SPTBN4: variants seen among roughly 807,000 people sequenced by gnomAD.
SPTBN4 encodes the protein spectrin beta, non-erythrocytic 4.
In SPTBN4, 96 loss-of-function variants were observed where a neutral mutation model predicts 277.8. That is an observed-to-expected ratio of 0.35 (90% CI 0.29 to 0.41). The LOEUF (loss-of-function observed/expected upper bound fraction) is 0.41, where lower values mean the gene tolerates loss of function less well. Ranked by LOEUF, SPTBN4 falls within the 10% of genes least tolerant of loss-of-function variation. SPTBN4 has a pLI of 1.00. For missense variants in SPTBN4, 3,006 were observed against 3,595.7 expected (o/e 0.84, Z 4.19); for synonymous variants, 1,481 against 1,580.3 (o/e 0.94, Z 1.49).
chr19:40,547,961 G>T (rs2080876669), intron 20 of SPTBN4, among the ~76,000 whole-genome samples: 1 of 152,120 alleles, frequency 6.6e-6, no homozygotes, highest in African/African-American at 2.4e-5. Flanking sequence ...ACTCTGTTTA[G>T]GTCTTTAATC....
chr19:40,472,271 C>T (rs2079893610), intron 1 of SPTBN4, among the ~76,000 whole-genome samples: 1 of 151,848 alleles, frequency 6.6e-6, no homozygotes, highest in Admixed American at 6.6e-5. Flanking sequence ...TCTCGAACTC[C>T]TGGGCTCAAG....
At chr19:40,569,229 C>T (rs1471526384) in intron 31 of SPTBN4, among the ~76,000 whole-genome samples, 1 of 152,032 alleles carries the variant, frequency 6.6e-6, no homozygotes, top group Non-Finnish European at 1.5e-5. Flanking sequence ...AGTTCGAGAC[C>T]AACCTGGCCA....
intron 18 of SPTBN4, among the ~76,000 whole-genome samples, chr19:40,529,980 CG>C (rs1250257632): frequency 1.6e-4 from 25 of 152,268 alleles, no homozygotes; most frequent in Non-Finnish European, 1.5e-5. Flanking sequence ...TCTCCGCACA[CG>C]GAATAAACAA....
chr19:40,568,065 C>G lies in SPTBN4; in HGVS notation c.6739C>G (p.Arg2247Gly). The G allele has an allele frequency of 7.7e-6, 12 of 1,559,076 alleles. No homozygotes were observed. The highest frequency in any genetic ancestry group is 1.0e-5 in the Non-Finnish European group (12 of 1,152,278). ...TCGCGCGGAGGAGCTGCCCAGGAGGCGGCGGCCTGAGCGGCAAGAGTCAGT... is the reference window on the plus strand; with the variant it reads ...TCGCGCGGAGGAGCTGCCCAGGAGGGGGCGGCCTGAGCGGCAAGAGTCAGT... ...ADRAEELPRR[R>G]RPERQESVDQ... The change falls in exon 31 of 36, where the codon CGG (arginine) becomes GGG (glycine). Residue 2247 changes from arginine (R) to glycine (G), a missense_variant. Coordinates refer to ENST00000598249, the MANE Select transcript of SPTBN4 (RefSeq NM_020971.3).
rs1246112643 is a variant in SPTBN4, at chr19:40,562,815, CAA to C, written c.5915+2413_5915+2414del. ...TGCCATTGCACTCCAGCCTGGGCAACAAGAGCGAAATTCCATCTCAAAAAAAA... is the reference window on the plus strand; with the variant it reads ...TGCCATTGCACTCCAGCCTGGGCAACGAGCGAAATTCCATCTCAAAAAAAA... On this transcript the variant is annotated intron_variant, in intron 27 of 35. Coordinates refer to ENST00000598249, the MANE Select transcript of SPTBN4 (RefSeq NM_020971.3). Among the ~76,000 whole-genome samples the C allele has an allele frequency of 2.7e-5, 4 of 150,248 alleles. No individual in the cohort carries two copies. The East Asian group carries it at 5.9e-4, about 22-fold the overall frequency.
chr19:40,568,182 T>C lies in SPTBN4; in HGVS notation c.6856T>C (p.Tyr2286His). ...GGCACACAGCCTTACCCTGGGCCGC[T>C]ATGAGCAGATGGAGCGGCGGCGCGA... Reference protein sequence around the residue: ...EAAHSLTLGRYEQMERRRERR... With the variant: ...EAAHSLTLGRHEQMERRRERR... The change falls in exon 31 of 36, where the codon TAT becomes CAT. Residue 2286 changes from tyrosine to histidine, a missense_variant. Around this residue, in one of 5 missense-constraint regions of SPTBN4, gnomAD observed 630 missense variants for 677.6 expected, o/e 0.93. Coordinates refer to ENST00000598249, the MANE Select transcript of SPTBN4 (RefSeq NM_020971.3). 1 of 1,592,152 alleles carries C rather than the reference T, an allele frequency of 6.3e-7. No homozygotes were observed. The highest frequency in any genetic ancestry group is 8.5e-7 in the Non-Finnish European group (1 of 1,169,814).
At chr19:40,467,967 G>T (rs943152678) in intron 1 of SPTBN4, among the ~76,000 whole-genome samples, 1 of 152,052 alleles carries the variant, frequency 6.6e-6, no homozygotes, top group African/African-American at 2.4e-5. Flanking sequence ...AAAAGATGAA[G>T]AATAATAGCA....
intron 20 of SPTBN4, among the ~76,000 whole-genome samples, chr19:40,542,412 G>A (rs930875922): frequency 3.9e-5 from 6 of 152,124 alleles, no homozygotes; most frequent in African/African-American, 1.4e-4. Context: ...GTGCTTCCTG[G>A]CCAAGAAGCC....
chr19:40,513,916 G>T (rs1453434121), intron 14 of SPTBN4, among the ~76,000 whole-genome samples: 1 of 152,068 alleles, frequency 6.6e-6, no homozygotes, highest in African/African-American at 2.4e-5. Flanking sequence ...GCTTCTACAG[G>T]GACACCTCAG....
chr19:40,489,354 C>A (rs2080110723), intron 3 of SPTBN4, among the ~76,000 whole-genome samples: 1 of 151,130 alleles, frequency 6.6e-6, no homozygotes. Flanking sequence ...GCTAGGGACC[C>A]GAAAGGGAAG....
chr19:40,505,968 T>C (rs1007863529), intron 12 of SPTBN4, among the ~76,000 whole-genome samples: 1 of 151,752 alleles, frequency 6.6e-6, no homozygotes, highest in South Asian at 2.1e-4. Flanking sequence ...GAGAGACTGG[T>C]AGAGAGAGAG....
chr19:40,526,433 A>C (rs1350411922), intron 17 of SPTBN4, among the ~76,000 whole-genome samples: 1 of 151,938 alleles, frequency 6.6e-6, no homozygotes, highest in Non-Finnish European at 1.5e-5. Flanking sequence ...CGGCTCCCCA[A>C]AGTGCTGGGA....
chr19:40,563,465 AATC>A (rs2081062952), intron 27 of SPTBN4, among the ~76,000 whole-genome samples: 1 of 152,140 alleles, frequency 6.6e-6, no homozygotes, highest in Non-Finnish European at 1.5e-5. Context: ...TATACTTTAA[AATC>A]TTCTTGTGGC....
intron 27 of SPTBN4, 152 bp from the exon 28 acceptor site, chr19:40,565,271 A>G (rs1213691331): frequency 2.0e-5 from 20 of 980,246 alleles, no homozygotes; most frequent in Non-Finnish European, 2.5e-5. Flanking sequence ...TCTCAAAAAA[A>G]AAAAGAAAAG....
At chr19:40,503,220 G>A (rs1178314567) in intron 11 of SPTBN4, among the ~76,000 whole-genome samples, 1 of 151,904 alleles carries the variant, frequency 6.6e-6, no homozygotes, top group African/African-American at 2.4e-5. Context: ...AGTGACAAGG[G>A]AGGTTGTATC....
chr19:40,491,539 C>G (rs541326190), intron 4 of SPTBN4, among the ~76,000 whole-genome samples: 58 of 151,724 alleles, frequency 3.8e-4, no homozygotes, highest in African/African-American at 1.4e-3. Context: ...TTTAGGAGTT[C>G]GAGCCCAGCT....
chr19:40,487,858 C>A lies in SPTBN4; in HGVS notation c.321+10C>A. The A allele has an allele frequency of 6.3e-7, 1 of 1,591,330 alleles. No individual in the cohort carries two copies. The highest frequency in any genetic ancestry group is 1.7e-5 in the Admixed American group (1 of 57,924). On this transcript the variant is annotated intron_variant, in intron 3 of 35. Coordinates refer to ENST00000598249, the MANE Select transcript of SPTBN4 (RefSeq NM_020971.3). ...GTCTGGGGAGCAGCTGGTGAGGGGG[C>A]CTGAAGGGCTGGGGCAGGGGTCCTC...
At chr19:40,495,475 T>C (rs2080185939) in intron 6 of SPTBN4, among the ~76,000 whole-genome samples, 1 of 152,046 alleles carries the variant, frequency 6.6e-6, no homozygotes, top group South Asian at 2.1e-4. Context: ...AAACCCCATC[T>C]CTACTAAAAA....
intron 30 of SPTBN4, chr19:40,567,298 A>AAAAAAAAT (rs2081103325): frequency 7.1e-6 from 1 of 141,764 alleles, no homozygotes; most frequent in Non-Finnish European, 1.5e-5. Context: ...GACTGTCTCA[A>AAAAAAAAT]AAATAAATAA....
Sources: gnomAD v4.1 joint callset for allele counts (sites outside exome capture counted in the v4.1 genomes callset) on GRCh38, gnomAD v4.1.1 for gene constraint, gnomAD v4.1.1 regional missense constraint, MANE v1.5 for transcripts, NCBI Gene and HGNC (gene_info 2026-07-23, HGNC 2026-07-21) for gene names.